Variants in MAP3K4 observed in about 807,000 individuals in gnomAD.
MAP3K4 encodes mitogen-activated protein kinase kinase kinase 4, also known as MAP three kinase 1.
MAP3K4 carries 67 observed loss-of-function variants against 185.6 expected under a neutral mutation model. That is an observed-to-expected ratio of 0.36 (90% CI 0.30 to 0.44). MAP3K4 has a LOEUF of 0.44. Among genes scored for constraint, MAP3K4 ranks in the 20% least tolerant of loss-of-function variants. The pLI is 1.00. For missense variants in MAP3K4, 1,551 were observed against 1,995.1 expected (o/e 0.78, Z 4.24); for synonymous variants, 702 against 710.4 (o/e 0.99, Z 0.19).
chr6:161,039,279 C>CAAAAAAAAAAAAAAAAAAAAA (rs3050259), intron 2 of MAP3K4, among the ~76,000 whole-genome samples: 1 of 71,948 alleles, frequency 1.4e-5, no homozygotes, highest in Non-Finnish European at 2.7e-5. Context: ...CGCAAAAATG[C>CAAAAAAAAAAAAAAAAAAAAA]AAAAAAAAAA....
At chr6:161,009,875 G>A (rs895408344) in intron 1 of MAP3K4, among the ~76,000 whole-genome samples, 5 of 152,134 alleles carry the variant, frequency 3.3e-5, no homozygotes, top group African/African-American at 9.7e-5. Flanking sequence ...GGAAGGAGGT[G>A]GCGGGGAAGA....
intron 1 of MAP3K4, among the ~76,000 whole-genome samples, chr6:161,033,432 C>T (rs983379016): frequency 1.3e-5 from 2 of 151,972 alleles, no homozygotes; most frequent in Admixed American, 6.6e-5. Flanking sequence ...AGAAGTTGGC[C>T]AGGGATAGAG....
Position 161,106,703 on chromosome 6 carries a change from T to G in MAP3K4, c.4046T>G (p.Ile1349Ser). The G allele has an allele frequency of 2.5e-6, 4 of 1,606,782 alleles. No individual in the cohort carries two copies. Among genetic ancestry groups the G allele is most frequent in the Non-Finnish European group, 3.4e-6 (4 of 1,176,212 alleles). The change falls in exon 20 of 27, where the codon ATT becomes AGT. Residue 1349 changes from isoleucine to serine, a missense_variant and splice_region_variant. Ile to Ser is a moderately radical substitution (Grantham distance 142, BLOSUM62 -2). Coordinates refer to ENST00000392142, the MANE Select transcript of MAP3K4 (RefSeq NM_005922.4). This position sits in a 1 kb window ranked among gnomAD's most constrained non-coding sequence, Gnocchi z 4.9. Reference sequence around the variant, plus strand: ...TTCAAATGGCAAAGAGGAAACAAAATTGGTAAGGAAATTAAGGAGCATGAT... The same window carrying G: ...TTCAAATGGCAAAGAGGAAACAAAAGTGGTAAGGAAATTAAGGAGCATGAT... ...VTFKWQRGNK[I>S]GEGQYGKVYT...
intron 1 of MAP3K4, among the ~76,000 whole-genome samples, chr6:161,001,842 G>T (rs1045812724): frequency 6.6e-6 from 1 of 152,114 alleles, no homozygotes; most frequent in Non-Finnish European, 1.5e-5. Context: ...CTGTTCTATA[G>T]TAAGTGCTCA....
intron 2 of MAP3K4, among the ~76,000 whole-genome samples, chr6:161,044,842 CAA>C (rs1024947302): frequency 3.3e-5 from 5 of 152,244 alleles, no homozygotes; most frequent in African/African-American, 1.2e-4. Flanking sequence ...AGAGAGGGAA[CAA>C]GAGAGAGCTC....
At chr6:161,052,391 G>A (rs1481228615) in intron 3 of MAP3K4, among the ~76,000 whole-genome samples, 2 of 152,120 alleles carry the variant, frequency 1.3e-5, no homozygotes, top group Non-Finnish European at 2.9e-5. Flanking sequence ...TTGAGATTTC[G>A]CTGAAGAGGT....
At chr6:161,026,632 G>T (rs1304859544) in intron 1 of MAP3K4, among the ~76,000 whole-genome samples, 1 of 150,698 alleles carries the variant, frequency 6.6e-6, no homozygotes, top group African/African-American at 2.4e-5. Flanking sequence ...AAGTACTCAA[G>T]TATTTGCAAC....
chr6:161,105,232 A>G (rs2114905000), intron 19 of MAP3K4, among the ~76,000 whole-genome samples: 1 of 152,364 alleles, frequency 6.6e-6, no homozygotes, highest in East Asian at 1.9e-4. Context: ...ATGAGTCATG[A>G]TAAAACAAGT....
At position 161,059,538 on chromosome 6, in the gene MAP3K4, G is replaced by A. The variant is rs115132158; in HGVS notation, c.1707+9559G>A. On this transcript the variant is annotated intron_variant, in intron 3 of 26. Transcript: ENST00000392142. Reference sequence around the variant, plus strand: ...TGCTTATTTATTTTGCTCATTTTCTGTTAGGCTGCCTTTCTATTATTGATC... The same window carrying A: ...TGCTTATTTATTTTGCTCATTTTCTATTAGGCTGCCTTTCTATTATTGATC... 7.5e-3 allele frequency among the ~76,000 whole-genome samples: 1,141 copies of A among 152,132 alleles called. 17 individuals carry two copies. The highest frequency in any genetic ancestry group is 0.026 in the African/African-American group (1,097 of 41,522).
rs1472174339 is a variant in MAP3K4, at chr6:161,048,018, G to A, written c.344-598G>A. On this transcript the variant is annotated intron_variant, in intron 2 of 26. Transcript: ENST00000392142. This position sits in a 1 kb window ranked among gnomAD's most constrained non-coding sequence, Gnocchi z 4.7. Reference sequence around the variant, plus strand: ...AAAATGTTATTGCCCACTTGTTTGTGGCAAAGGAGAAATAAAGGAATAGAA... The same window carrying A: ...AAAATGTTATTGCCCACTTGTTTGTAGCAAAGGAGAAATAAAGGAATAGAA... Among the ~76,000 whole-genome samples, 2 of 152,090 alleles carry A rather than the reference G, an allele frequency of 1.3e-5. No homozygotes were observed. Among genetic ancestry groups the A allele is most frequent in the South Asian group, 2.1e-4 (1 of 4,828 alleles).
In MAP3K4 at chr6:161,116,969, C is replaced by T; in HGVS notation, c.*99C>T. ...GAGAAGCAGTATAAGCCTTTTTAAC[C>T]TTCCAAGACTGAAGACTGCACAGGT... On this transcript the variant is annotated 3_prime_UTR_variant, in exon 27 of 27. Coordinates refer to ENST00000392142, the MANE Select transcript of MAP3K4 (RefSeq NM_005922.4). This position sits in a 1 kb window ranked among gnomAD's most constrained non-coding sequence, Gnocchi z 6.2. The T allele has an allele frequency of 8.8e-7, 1 of 1,133,788 alleles. No homozygotes were observed. The highest frequency in any genetic ancestry group is 1.3e-6 in the Non-Finnish European group (1 of 755,628). The allele number at this position is 1,133,788 out of a possible 1,614,324, so 70.2% of individuals were successfully genotyped here.
chr6:161,025,936 A>G (rs974259798), intron 1 of MAP3K4, among the ~76,000 whole-genome samples: 8 of 152,160 alleles, frequency 5.3e-5, no homozygotes, highest in Non-Finnish European at 8.8e-5. Context: ...GTTAAGCCTA[A>G]AACAACTGTT....
At chr6:161,085,384 C>T (rs1785659888) in intron 7 of MAP3K4, among the ~76,000 whole-genome samples, 1 of 152,136 alleles carries the variant, frequency 6.6e-6, no homozygotes, top group Non-Finnish European at 1.5e-5. Flanking sequence ...TGAATTTCCT[C>T]CAGTTCTGTG....
Position 161,073,675 on chromosome 6 carries a change from C to T in MAP3K4, c.2097+63C>T, listed in dbSNP as rs913972423. On this transcript the variant is annotated intron_variant, in intron 5 of 26. Transcript: ENST00000392142. The surrounding 1 kb of genome is among the most constrained non-coding windows in gnomAD (Gnocchi z 4.2). ...TGTTTCTTTTTTTAAAAAAGTAAGC[C>T]TGTATTTCCTTGTTTTGCAAACAGC... The T allele has an allele frequency of 7.1e-6, 11 of 1,541,340 alleles. No homozygotes were observed. In the Admixed American group the frequency reaches 2.1e-4, roughly 30 times the overall value.
At chr6:161,029,061 T>G (rs1782801016) in intron 1 of MAP3K4, among the ~76,000 whole-genome samples, 1 of 152,228 alleles carries the variant, frequency 6.6e-6, no homozygotes, top group Non-Finnish European at 1.5e-5. Flanking sequence ...CTATCCCTTC[T>G]GCCTATGTCC....
At chr6:160,994,023 A>G (rs1050026339) in intron 1 of MAP3K4, among the ~76,000 whole-genome samples, 6 of 152,176 alleles carry the variant, frequency 3.9e-5, no homozygotes, top group African/African-American at 1.4e-4. Flanking sequence ...TCTTTGGTAA[A>G]AGATGTAGGG....
At chr6:161,052,705 CATA>C (rs933804614) in intron 3 of MAP3K4, among the ~76,000 whole-genome samples, 68 of 152,160 alleles carry the variant, frequency 4.5e-4, no homozygotes, top group African/African-American at 1.5e-3. Context: ...ACTTTAGGAA[CATA>C]ATTTCTATAA....
chr6:161,035,585 T>A (rs1353457808), intron 2 of MAP3K4, among the ~76,000 whole-genome samples: 1 of 152,232 alleles, frequency 6.6e-6, no homozygotes, highest in African/African-American at 2.4e-5. Flanking sequence ...ATACTTCTTA[T>A]AAAATTTGAT....
rs1220065086 is a variant in MAP3K4 at position 161,086,091 on chromosome 6, A to G, written c.2373-288A>G. On this transcript the variant is annotated intron_variant, in intron 7 of 26. Coordinates refer to ENST00000392142, the MANE Select transcript of MAP3K4 (RefSeq NM_005922.4). This position sits in a 1 kb window ranked among gnomAD's most constrained non-coding sequence, Gnocchi z 4.8. ...AAGAACTTAACCTTAAACTCCAAGA[A>G]ATGATCATAATGAAATGTTAAGAAA... Among the ~76,000 whole-genome samples the G allele has an allele frequency of 6.6e-6, 1 of 152,212 alleles. No homozygotes were observed. Among genetic ancestry groups the G allele is most frequent in the Non-Finnish European group, 1.5e-5 (1 of 68,034 alleles).
Sources: gnomAD v4.1 joint callset for allele counts (sites outside exome capture counted in the v4.1 genomes callset) on GRCh38, gnomAD v4.1.1 for gene constraint, Gnocchi (gnomAD v3.1) non-coding constraint, MANE v1.5 for transcripts, NCBI Gene and HGNC (gene_info 2026-07-23, HGNC 2026-07-21) for gene names.